TUBA8: variants seen among roughly 807,000 people sequenced by gnomAD.
TUBA8 encodes tubulin alpha 8, also known as tubulin alpha-8 chain.
In TUBA8, 29 loss-of-function variants were observed where a neutral mutation model predicts 34.7. That is an observed-to-expected ratio of 0.84 (90% confidence interval 0.62 to 1.14). The LOEUF (loss-of-function observed/expected upper bound fraction) is 1.14. TUBA8 is among the 50% of genes most tolerant of loss of function. The pLI, the probability that TUBA8 is intolerant of heterozygous loss-of-function variation, is 0.00. For missense variants in TUBA8, 541 were observed against 599.2 expected, an observed-to-expected ratio of 0.90 and a Z score of 1.01; for synonymous variants, 226 against 231.2, an observed-to-expected ratio of 0.98 and a Z score of 0.21.
chr22:18,123,928 C>A, intron 2 of TUBA8: 1 of 572,902 alleles, frequency 1.7e-6, no homozygotes. Flanking sequence ...GCCAGCAGGG[C>A]AGCCTGCTTC....
chr22:18,121,200 C>T lies in TUBA8; in HGVS notation c.4-279C>T, dbSNP rs138131046. 5.0e-4 allele frequency: 222 copies of T among 443,992 alleles called. 1 individual carries two copies. In the East Asian group the frequency reaches 9.6e-3, roughly 19 times the overall value. 27.5% of individuals were successfully genotyped at this position (443,992 alleles called of 1,614,324 possible). A position where few individuals can be genotyped will look rare whatever the true frequency, so the allele number is the denominator to read the frequency against. On this transcript the variant is annotated intron_variant, in intron 1 of 4. Coordinates refer to ENST00000330423, the MANE Select transcript of TUBA8 (RefSeq NM_018943.3). This position sits in a 1 kb window ranked among gnomAD's most constrained non-coding sequence, Gnocchi z 4.8. The stretch of plus-strand genomic sequence containing the variant: ...GAATCTTGTGGTTTGGAATTAGCCC[C>T]TTGCTTCATCTTTGCAACCACCCTC...
At position 18,124,284 on chromosome 22, in the gene TUBA8, C is replaced by G. The variant is rs1315599573; in HGVS notation, c.355C>G (p.Leu119Val). Residue 119 changes from leucine (L) to valine (V), a missense_variant, in exon 3 of 5, where the codon CTG (leucine) becomes GTG (valine). Leu to Val is a conservative substitution (Grantham distance 32). Transcript: ENST00000330423. This position sits in a 1 kb window ranked among gnomAD's most constrained non-coding sequence, Gnocchi z 4.3. The part of the protein sequence containing the change: ...TVGKESIDLV[L>V]DRIRKLTDAC... ...GGGCAAGGAGAGCATTGACCTGGTGCTGGACCGCATACGGAAGCTGGTAAG... is the reference window on the plus strand; with the variant it reads ...GGGCAAGGAGAGCATTGACCTGGTGGTGGACCGCATACGGAAGCTGGTAAG... 1 of 1,613,918 alleles carries G rather than the reference C, an allele frequency of 6.2e-7. No individual in the cohort carries two copies. Among genetic ancestry groups the G allele is most frequent in the African/African-American group, 1.3e-5 (1 of 74,898 alleles).
Position 18,126,898 on chromosome 22 carries a change from C to T in TUBA8, c.920C>T (p.Pro307Leu), listed in dbSNP as rs763179989. The T allele has an allele frequency of 3.1e-5, 50 of 1,611,604 alleles. No homozygotes were observed. In the South Asian group the frequency reaches 3.6e-4, roughly 12 times the overall value. The change falls in exon 4 of 5, where the codon CCG becomes CTG. Residue 307 changes from proline (P) to leucine (L), a missense_variant. Pro to Leu is a moderately conservative substitution (Grantham distance 98, BLOSUM62 -3). Transcript: ENST00000330423. This position sits in a 1 kb window ranked among gnomAD's most constrained non-coding sequence, Gnocchi z 4.0. ...AACAGCCAGATGGTGAAGTGCGACCCGAGACATGGCAAGTACATGGCCTGC... is the reference window on the plus strand; with the variant it reads ...AACAGCCAGATGGTGAAGTGCGACCTGAGACATGGCAAGTACATGGCCTGC... Reference protein sequence around the residue: ...EPNSQMVKCDPRHGKYMACCM... With the variant: ...EPNSQMVKCDLRHGKYMACCM...
At chr22:18,115,989 C>T (rs1927960201) in intron 1 of TUBA8, 1 of 152,234 alleles carries the variant, frequency 6.6e-6, no homozygotes, top group African/African-American at 2.4e-5. Context: ...CTGAGCTCTA[C>T]AAGCCCAGAT....
Position 18,131,492 on chromosome 22 carries a change from T to G in TUBA8, c.*356T>G. The G allele has an allele frequency of 3.1e-6, 1 of 327,182 alleles. No individual in the cohort carries two copies. The highest frequency in any genetic ancestry group is 5.8e-6 in the Non-Finnish European group (1 of 171,386). 20.3% of individuals were successfully genotyped at this position (327,182 alleles called of 1,614,324 possible). On this transcript the variant is annotated 3_prime_UTR_variant, in exon 5 of 5. Transcript: ENST00000330423. This position sits in a 1 kb window ranked among gnomAD's most constrained non-coding sequence, Gnocchi z 5.3. ...CCTGCTGGCTGGGGAGTGGGAACAC[T>G]CAGAGAAAGGGGAGATCTGGGCCTG... is the stretch of plus-strand genomic sequence containing the variant.
At chr22:18,112,690 A>G (rs1199907447) in intron 1 of TUBA8, 3 of 152,240 alleles carry the variant, frequency 2.0e-5, no homozygotes, top group East Asian at 3.8e-4. Context: ...CTGAAAACCT[A>G]TGGTTAAATA....
In TUBA8 at chr22:18,121,711, G is replaced by A. The variant is rs1232255605; in HGVS notation, c.226+10G>A. ...GAGCCTACTGTAGTGGGTGAGTGGG[G>A]GCGGAGTTCCCCTCCACAGAGAACA... is the stretch of plus-strand genomic sequence containing the variant. On this transcript the variant is annotated intron_variant, in intron 2 of 4. Transcript: ENST00000330423. The surrounding 1 kb of genome is among the most constrained non-coding windows in gnomAD (Gnocchi z 4.8). The A allele has an allele frequency of 6.2e-7, 1 of 1,612,560 alleles. No individual in the cohort carries two copies. Among genetic ancestry groups the A allele is most frequent in the Non-Finnish European group, 8.5e-7 (1 of 1,178,666 alleles).
At chr22:18,130,613 G>T in intron 4 of TUBA8, 1 of 566,376 alleles carries the variant, frequency 1.8e-6, no homozygotes, top group Non-Finnish European at 3.1e-6. Flanking sequence ...TTTTGGTAGA[G>T]ATGGGTTTTT....
At chr22:18,128,365 G>A (rs1928402757) in intron 4 of TUBA8, 1 of 152,042 alleles carries the variant, frequency 6.6e-6, no homozygotes, top group African/African-American at 2.4e-5. Flanking sequence ...GGGGCCCCAG[G>A]ACCAGGAATG....
rs1167572591 is a variant in TUBA8 at position 18,121,470 on chromosome 22, T to C, written c.4-9T>C. On this transcript the variant is annotated splice_polypyrimidine_tract_variant and intron_variant, in intron 1 of 4. Coordinates refer to ENST00000330423, the MANE Select transcript of TUBA8 (RefSeq NM_018943.3). This position sits in a 1 kb window ranked among gnomAD's most constrained non-coding sequence, Gnocchi z 4.8. Reference sequence around the variant, plus strand: ...ACTCTCTGACCTCGTTGCTTCCCTCTCCCCACAGCGGGAATGCATATCAGT... The same window carrying C: ...ACTCTCTGACCTCGTTGCTTCCCTCCCCCCACAGCGGGAATGCATATCAGT... 6.2e-7 allele frequency: 1 copy of C among 1,613,490 alleles called. No individual in the cohort carries two copies. Among genetic ancestry groups the C allele is most frequent in the Non-Finnish European group, 8.5e-7 (1 of 1,179,556 alleles).
chr22:18,125,993 C>G, intron 3 of TUBA8: 1 of 299,132 alleles, frequency 3.3e-6, no homozygotes, highest in Non-Finnish European at 6.4e-6. Context: ...TCCCAAGTAA[C>G]TGGGACTACA....
Position 18,126,106 on chromosome 22 carries a change from T to G in TUBA8, c.376-248T>G. The G allele has an allele frequency of 1.9e-6, 1 of 538,540 alleles. No individual in the cohort carries two copies. The highest frequency in any genetic ancestry group is 3.3e-6 in the Non-Finnish European group (1 of 300,214). 33.4% of individuals were successfully genotyped at this position (538,540 alleles called of 1,614,324 possible). On this transcript the variant is annotated intron_variant, in intron 3 of 4. Coordinates refer to ENST00000330423, the MANE Select transcript of TUBA8 (RefSeq NM_018943.3). This position sits in a 1 kb window ranked among gnomAD's most constrained non-coding sequence, Gnocchi z 4.0. Reference sequence around the variant, plus strand: ...GTGAACTCCTGGCCTCAATGGATCCTCCTGCCTCAGCTTCCCAAACTGCTG... The same window carrying G: ...GTGAACTCCTGGCCTCAATGGATCCGCCTGCCTCAGCTTCCCAAACTGCTG...
In TUBA8 at chr22:18,130,844, T is replaced by G. The variant is rs1299982366; in HGVS notation, c.1058T>G (p.Val353Gly). 1 of 1,613,558 alleles carries G rather than the reference T, an allele frequency of 6.2e-7. No homozygotes were observed. The highest frequency in any genetic ancestry group is 1.3e-5 in the African/African-American group (1 of 75,004). ...TCCTCCTCTTTCTGTGTCCCTCAGG[T>G]GGGCATCAACTACCAGCCCCCGACC... ...FVDWCPTGFK[V>G]GINYQPPTVV... The change falls in exon 5 of 5, where the codon GTG becomes GGG. Residue 353 changes from valine to glycine, a missense_variant and splice_region_variant. Transcript: ENST00000330423.
chr22:18,114,680 A>C (rs1927912987), intron 1 of TUBA8: 1 of 152,158 alleles, frequency 6.6e-6, no homozygotes, highest in Non-Finnish European at 1.5e-5. Flanking sequence ...ACTAGAGATA[A>C]TTCGGTGTAA....
rs1318937229 is a variant in TUBA8 at position 18,121,155 on chromosome 22, G to A, written c.4-324G>A. The A allele has an allele frequency of 8.6e-6, 3 of 350,322 alleles. No individual in the cohort carries two copies. The highest frequency in any genetic ancestry group is 4.2e-5 in the African/African-American group (2 of 47,800). 21.7% of individuals were successfully genotyped at this position (350,322 alleles called of 1,614,324 possible). On this transcript the variant is annotated intron_variant, in intron 1 of 4. Transcript: ENST00000330423. The surrounding 1 kb of genome is among the most constrained non-coding windows in gnomAD (Gnocchi z 4.8). ...TGCCATGATCGCCAGTTCTTCCTTG[G>A]GCCTTCTTCACCAGTGCAGGAATCT...
In TUBA8 at chr22:18,126,455, G is replaced by A. The variant is rs746039260; in HGVS notation, c.477G>A (p.Leu159=). ...FTSLLMERLS[L]DYGKKSKLEF... is the part of the protein sequence containing the mutation. ...CTCTGCTGATGGAACGCCTCTCCCT[G>A]GATTATGGCAAGAAATCCAAGCTGG... The change falls in exon 4 of 5, where the codon CTG becomes CTA. Residue 159 remains leucine, a synonymous_variant. Transcript: ENST00000330423. This position sits in a 1 kb window ranked among gnomAD's most constrained non-coding sequence, Gnocchi z 4.0. The A allele has an allele frequency of 6.2e-7, 1 of 1,613,962 alleles. No homozygotes were observed.
chr22:18,121,483 A>G lies in TUBA8; in HGVS notation c.8A>G (p.Glu3Gly). 1 of 1,613,928 alleles carries G rather than the reference A, an allele frequency of 6.2e-7. No individual in the cohort carries two copies. The highest frequency in any genetic ancestry group is 8.5e-7 in the Non-Finnish European group (1 of 1,179,836). ...GTTGCTTCCCTCTCCCCACAGCGGG[A>G]ATGCATATCAGTCCACGTGGGCCAA... is the stretch of plus-strand genomic sequence containing the variant. MR[E>G]CISVHVGQAG... The change falls in exon 2 of 5, where the codon GAA becomes GGA. Residue 3 changes from glutamate (E) to glycine (G), a missense_variant. Transcript: ENST00000330423. This position sits in a 1 kb window ranked among gnomAD's most constrained non-coding sequence, Gnocchi z 4.8.
In TUBA8 at chr22:18,124,324, G is replaced by GGA; in HGVS notation, c.375+21_375+22dup. On this transcript the variant is annotated intron_variant, in intron 3 of 4. Coordinates refer to ENST00000330423, the MANE Select transcript of TUBA8 (RefSeq NM_018943.3). This position sits in a 1 kb window ranked among gnomAD's most constrained non-coding sequence, Gnocchi z 4.3. ...AAGCTGGTAAGATCAGGAGGGCAGGGGACGGGTGGGTCAGGCTGGAGTGGA... is the reference window on the plus strand; with the variant it reads ...AAGCTGGTAAGATCAGGAGGGCAGGGGAGACGGGTGGGTCAGGCTGGAGTGGA... 1 of 1,437,224 alleles carries GGA rather than the reference G, an allele frequency of 7.0e-7. No homozygotes were observed. Among genetic ancestry groups the GGA allele is most frequent in the Non-Finnish European group, 9.5e-7 (1 of 1,051,776 alleles). 89.0% of individuals were successfully genotyped at this position (1,437,224 alleles called of 1,614,324 possible).
intron 4 of TUBA8, chr22:18,127,628 C>CAG (rs1928376285): frequency 7.0e-6 from 1 of 142,166 alleles, no homozygotes; most frequent in Non-Finnish European, 1.5e-5. Flanking sequence ...CTCCTGACCT[C>CAG]GTGATCCGCC....
Sources: gnomAD v4.1 joint callset for allele counts on GRCh38, gnomAD v4.1.1 for gene constraint, Gnocchi (gnomAD v3.1) non-coding constraint, MANE v1.5 for transcripts, NCBI Gene and HGNC (gene_info 2026-07-23, HGNC 2026-07-21) for gene names.